The following NCKAP1L variants were observed in gnomAD, a reference collection of about 807,000 sequenced individuals.
NCKAP1L encodes the protein nck-associated protein 1-like.
In NCKAP1L, 53 loss-of-function variants were observed where a neutral mutation model predicts 139.2. The ratio of observed to expected loss-of-function variants is 0.38; its 90% CI spans 0.31 to 0.48. The LOEUF is 0.48. NCKAP1L is among the 20% of genes least tolerant of loss of function. The pLI is 0.98. For missense variants in NCKAP1L, 1,151 were observed against 1,381.9 expected (o/e 0.83, Z 2.65); for synonymous variants, 468 against 499.7 (o/e 0.94, Z 0.85).
At chr12:54,540,108 C>G (rs554555593) in intron 30 of NCKAP1L, among the ~76,000 whole-genome samples, 5 of 152,282 alleles carry the variant, frequency 3.3e-5, no homozygotes, top group African/African-American at 1.2e-4. Context: ...CATAAGACTA[C>G]AAATGTACAT....
At chr12:54,520,981 C>T in intron 17 of NCKAP1L, 138 bp from the exon 18 acceptor site, 1 of 1,490,048 alleles carries the variant, frequency 6.7e-7, no homozygotes, top group East Asian at 2.3e-5. Flanking sequence ...TATCCTGTCT[C>T]TGGGCCTCAG....
chr12:54,517,082 G>T (rs1172472891), intron 11 of NCKAP1L, 90 bp downstream of exon 11: 2 of 1,099,894 alleles, frequency 1.8e-6, no homozygotes, highest in East Asian at 5.0e-5. Context: ...GCCTTTCTGA[G>T]TCTTTTGTCA....
At chr12:54,501,972 A>AT (rs1488194884) in intron 3 of NCKAP1L, among the ~76,000 whole-genome samples, 6 of 152,026 alleles carry the variant, frequency 3.9e-5, no homozygotes, top group African/African-American at 1.5e-4. Context: ...TTTTATTTGA[A>AT]TTTTTGCTAA....
intron 20 of NCKAP1L, among the ~76,000 whole-genome samples, 188 bp downstream of exon 20, chr12:54,524,144 A>G (rs560631431): frequency 6.6e-6 from 1 of 152,274 alleles, no homozygotes; most frequent in African/African-American, 2.4e-5. Context: ...AAAGCAAACA[A>G]AAGGAACCCC....
chr12:54,524,826 C>T lies in NCKAP1L; in HGVS notation c.2156+870C>T, dbSNP rs184750835. Among the ~76,000 whole-genome samples the T allele has an allele frequency of 2.6e-5, 4 of 152,048 alleles. No homozygotes were observed. In the East Asian group the frequency reaches 7.7e-4, roughly 29 times the overall value. ...TGGGAAAGGGAGATAGGAGGATGTG[C>T]GGTGCTGGTGGTGCTGGTGGTGGCA... is the stretch of plus-strand genomic sequence containing the variant. On this transcript the variant is annotated intron_variant, in intron 20 of 30. Coordinates refer to ENST00000293373, the MANE Select transcript of NCKAP1L (RefSeq NM_005337.5).
At chr12:54,507,326 AG>A (rs1412399648) in intron 3 of NCKAP1L, among the ~76,000 whole-genome samples, 1 of 152,200 alleles carries the variant, frequency 6.6e-6, no homozygotes, top group Admixed American at 6.5e-5. Flanking sequence ...CTATCATACT[AG>A]AATGAGAGTT....
At chr12:54,516,397 G>T in intron 10 of NCKAP1L, 102 bp downstream of exon 10, 1 of 1,077,540 alleles carries the variant, frequency 9.3e-7, no homozygotes, top group Non-Finnish European at 1.4e-6. Context: ...CAGCTTTATT[G>T]CCTCAACCCA....
Position 54,526,623 on chromosome 12 carries a change from T to C in NCKAP1L, c.2252T>C (p.Ile751Thr), listed in dbSNP as rs2120943380. The part of the protein sequence containing the change: ...LAGVKAYIGF[I>T]QSLAQFLGAD... ...GGAGTCAAAGCATACATTGGTTTCA[T>C]ACAGTCACTGGCCCAGTTTTTGGGT... Residue 751 changes from isoleucine (I) to threonine (T), a missense_variant, in exon 21 of 31, where the codon ATA (isoleucine) becomes ACA (threonine). Ile to Thr is a moderately conservative substitution (Grantham distance 89). Transcript: ENST00000293373. 6.2e-7 allele frequency: 1 copy of C among 1,614,172 alleles called. No homozygotes were observed. The highest frequency in any genetic ancestry group is 1.6e-4 in the Middle Eastern group (1 of 6,062).
chr12:54,502,992 G>A (rs1483415155), intron 3 of NCKAP1L, among the ~76,000 whole-genome samples: 3 of 147,462 alleles, frequency 2.0e-5, no homozygotes, highest in East Asian at 4.0e-4. Context: ...GTGACACAGT[G>A]AGACTTTGTC....
At chr12:54,519,382 T>C in intron 16 of NCKAP1L, 50 bp downstream of exon 16, 1 of 1,366,216 alleles carries the variant, frequency 7.3e-7, no homozygotes, top group Non-Finnish European at 9.6e-7. Flanking sequence ...GTTTCCTTTT[T>C]TCATTTTTTT....
chr12:54,523,242 C>T (rs1443223435), intron 18 of NCKAP1L, 152 bp from the exon 19 acceptor site: 2 of 833,584 alleles, frequency 2.4e-6, no homozygotes, highest in Non-Finnish European at 3.8e-6. Flanking sequence ...TGAATAGGCC[C>T]CCATTAAAGA....
chr12:54,538,235 G>A (rs932695134), intron 29 of NCKAP1L, among the ~76,000 whole-genome samples: 1 of 152,172 alleles, frequency 6.6e-6, no homozygotes, highest in East Asian at 1.9e-4. Flanking sequence ...TTTAAGCTGA[G>A]GCACCCAACC....
intron 18 of NCKAP1L, among the ~76,000 whole-genome samples, chr12:54,522,800 TG>T (rs1271266195): frequency 6.6e-6 from 1 of 152,190 alleles, no homozygotes; most frequent in Non-Finnish European, 1.5e-5. Flanking sequence ...CTGAAGGAGA[TG>T]TCTGACTAGG....
At position 54,534,928 on chromosome 12, in the gene NCKAP1L, G is replaced by T. The variant is rs113372577; in HGVS notation, c.2863-176G>T. Among the ~76,000 whole-genome samples, 340 of 152,182 alleles carry T rather than the reference G, an allele frequency of 2.2e-3. 3 individuals are homozygous for T. Among genetic ancestry groups the T allele is most frequent in the African/African-American group, 7.5e-3 (311 of 41,518 alleles). ...GAGGTAGGAGGATTTCTTGAGCCCA[G>T]GAGTTTGAAACCAGCCTGGACAAAA... is the stretch of plus-strand genomic sequence containing the variant. On this transcript the variant is annotated intron_variant, in intron 26 of 30. Coordinates refer to ENST00000293373, the MANE Select transcript of NCKAP1L (RefSeq NM_005337.5).
intron 8 of NCKAP1L, 30 bp downstream of exon 8, chr12:54,511,881 A>T (rs368345195): frequency 1.2e-6 from 2 of 1,614,008 alleles, no homozygotes; most frequent in African/African-American, 2.7e-5. Context: ...ATGGGAGTGG[A>T]TGAAGCAGTA....
intron 26 of NCKAP1L, 37 bp downstream of exon 26, chr12:54,532,287 C>A: frequency 6.5e-7 from 1 of 1,548,032 alleles, no homozygotes; most frequent in South Asian, 1.2e-5. Flanking sequence ...AATTAGGAGA[C>A]TTTTGTTGTT....
At chr12:54,505,404 A>T (rs1440490201) in intron 3 of NCKAP1L, among the ~76,000 whole-genome samples, 1 of 151,080 alleles carries the variant, frequency 6.6e-6, no homozygotes. Context: ...CACCACTACA[A>T]AGTATTGAAT....
intron 13 of NCKAP1L, 23 bp from the exon 14 acceptor site, chr12:54,518,628 A>G: frequency 1.2e-6 from 2 of 1,604,708 alleles, no homozygotes; most frequent in Non-Finnish European, 1.7e-6. Flanking sequence ...CCCACTTGAC[A>G]GTAACTGCAG....
rs746556256 is a variant in NCKAP1L at position 54,538,964 on chromosome 12, C to T, written c.3264C>T (p.Leu1088=). 5.6e-6 allele frequency: 9 copies of T among 1,613,726 alleles called. No homozygotes were observed. The highest frequency in any genetic ancestry group is 5.0e-5 in the Admixed American group (3 of 60,004). The change falls in exon 30 of 31, where the codon CTC becomes CTT. Residue 1088 remains leucine, a synonymous_variant. Transcript: ENST00000293373. ...GAAATCGAGAATCCATTTCTCTGCT[C>T]ATGCGCTTGGTAAGTACCTTATTTA... ...KTRNRESISL[L]MRLVVEESSF... is the part of the protein sequence containing the mutation.
Sources: allele counts gnomAD v4.1 joint callset (sites outside exome capture counted in the v4.1 genomes callset), GRCh38; gene constraint gnomAD v4.1.1; transcripts MANE v1.5; gene names NCBI Gene and HGNC (gene_info 2026-07-23, HGNC 2026-07-21).